SPAG16: variants seen among roughly 807,000 people sequenced by gnomAD.
SPAG16 encodes sperm-associated antigen 16 protein.
In SPAG16, 86 loss-of-function variants were observed where a neutral mutation model predicts 80.4. That is an observed-to-expected ratio of 1.07 (90% CI 0.90 to 1.28). The LOEUF (loss-of-function observed/expected upper bound fraction) is 1.28. SPAG16 is among the 50% of genes most tolerant of loss of function. The pLI, the probability that SPAG16 is intolerant of heterozygous loss-of-function variation, is 0.00. For missense variants in SPAG16, 870 were observed against 765.3 expected, an observed-to-expected ratio of 1.14 and a Z score of -1.61; for synonymous variants, 294 against 265.9, an observed-to-expected ratio of 1.11 and a Z score of -1.03.
chr2:213,912,696 T>G (rs2077729289), intron 11 of SPAG16, among the ~76,000 whole-genome samples: 2 of 152,186 alleles, frequency 1.3e-5, no homozygotes, highest in Non-Finnish European at 1.5e-5. Context: ...GAGTAGTTAC[T>G]GTGCCTTCAG....
chr2:213,442,239 G>T (rs1463748230), intron 9 of SPAG16, among the ~76,000 whole-genome samples: 1 of 152,138 alleles, frequency 6.6e-6, no homozygotes, highest in Non-Finnish European at 1.5e-5. Flanking sequence ...ATATGCACCA[G>T]ATCTGTATGA....
intron 10 of SPAG16, among the ~76,000 whole-genome samples, chr2:213,619,737 A>G (rs754470921): frequency 2.6e-5 from 4 of 152,208 alleles, no homozygotes; most frequent in Non-Finnish European, 5.9e-5. Flanking sequence ...TGCAGTTATT[A>G]TGGAAGTCAG....
At chr2:213,399,771 A>G (rs946154234) in intron 9 of SPAG16, among the ~76,000 whole-genome samples, 4 of 151,922 alleles carry the variant, frequency 2.6e-5, no homozygotes, top group Non-Finnish European at 5.9e-5. Context: ...ACTAATTGGA[A>G]CTGTTATATA....
chr2:214,054,194 T>C (rs2049812439), intron 13 of SPAG16, among the ~76,000 whole-genome samples: 1 of 152,088 alleles, frequency 6.6e-6, no homozygotes, highest in African/African-American at 2.4e-5. Flanking sequence ...ATCTTTAGTA[T>C]AGACGGGGTT....
intron 15 of SPAG16, among the ~76,000 whole-genome samples, chr2:214,168,856 G>A (rs2056768906): frequency 6.7e-6 from 1 of 149,226 alleles, no homozygotes; most frequent in East Asian, 1.9e-4. Context: ...TCCAAAGGAT[G>A]TGGTACTATT....
intron 13 of SPAG16, among the ~76,000 whole-genome samples, chr2:214,097,085 C>A (rs1205473846): frequency 6.6e-6 from 1 of 151,868 alleles, no homozygotes; most frequent in African/African-American, 2.4e-5. Flanking sequence ...AAAAAAAGAT[C>A]TTTATAAAAT....
intron 10 of SPAG16, among the ~76,000 whole-genome samples, chr2:213,745,296 G>A (rs1353039328): frequency 6.6e-6 from 1 of 152,050 alleles, no homozygotes; most frequent in Non-Finnish European, 1.5e-5. Context: ...AGGCTGGAGC[G>A]CAATGGAATG....
chr2:213,575,600 A>G (rs1021612436), intron 10 of SPAG16, among the ~76,000 whole-genome samples: 3 of 152,142 alleles, frequency 2.0e-5, no homozygotes, highest in African/African-American at 7.2e-5. Context: ...TTGTTTAATA[A>G]AGACATTGAA....
At chr2:213,773,616 A>G (rs1352676513) in intron 10 of SPAG16, among the ~76,000 whole-genome samples, 3 of 152,048 alleles carry the variant, frequency 2.0e-5, no homozygotes, top group Non-Finnish European at 4.4e-5. Flanking sequence ...GTGCAGTGGC[A>G]TGATCTCGGC....
chr2:213,862,222 C>A (rs547359200), intron 10 of SPAG16, among the ~76,000 whole-genome samples: 9 of 152,132 alleles, frequency 5.9e-5, no homozygotes, highest in Admixed American at 1.3e-4. Flanking sequence ...TAGATATGCA[C>A]AATCACCTAA....
intron 3 of SPAG16, among the ~76,000 whole-genome samples, chr2:213,298,130 A>T (rs949006080): frequency 1.1e-4 from 17 of 152,174 alleles, no homozygotes; most frequent in Admixed American, 1.1e-3. Flanking sequence ...TAGAAGTCCA[A>T]TAACTCCTTT....
chr2:213,740,338 G>T (rs1461882784), intron 10 of SPAG16, among the ~76,000 whole-genome samples: 1 of 152,172 alleles, frequency 6.6e-6, no homozygotes, highest in African/African-American at 2.4e-5. Flanking sequence ...TGAAGTTTCT[G>T]TAACAAACTG....
intron 7 of SPAG16, among the ~76,000 whole-genome samples, chr2:213,358,955 C>CT: frequency 6.6e-6 from 1 of 152,064 alleles, no homozygotes. Flanking sequence ...TGTGGGTGTC[C>CT]TTTTTTTGAA....
At chr2:213,528,142 G>A (rs113315864) in intron 10 of SPAG16, among the ~76,000 whole-genome samples, 1 of 152,034 alleles carries the variant, frequency 6.6e-6, no homozygotes, top group African/African-American at 2.4e-5. Context: ...TGTTTTCAAC[G>A]GGCGCCCATC....
intron 11 of SPAG16, among the ~76,000 whole-genome samples, chr2:213,915,015 A>C (rs2077885507): frequency 6.6e-6 from 1 of 152,194 alleles, no homozygotes; most frequent in South Asian, 2.1e-4. Flanking sequence ...AATGACTCAC[A>C]GTTCCACATG....
chr2:213,331,694 G>A lies in SPAG16; in HGVS notation c.537-8469G>A, dbSNP rs1041855073. On this transcript the variant is annotated intron_variant, in intron 5 of 15. Transcript: ENST00000331683. ...AATATCAAACATCTTCTCTGACCAC[G>A]ATGGAATAAAACTATAAATCAACAA... 7.9e-5 allele frequency among the ~76,000 whole-genome samples: 12 copies of A among 152,246 alleles called. No homozygotes were observed. In the East Asian group the frequency reaches 1.7e-3, roughly 22 times the overall value.
intron 9 of SPAG16, among the ~76,000 whole-genome samples, chr2:213,433,367 A>C (rs2070421086): frequency 6.6e-6 from 1 of 152,248 alleles, no homozygotes; most frequent in Admixed American, 6.5e-5. Context: ...AGATTCCTCC[A>C]AAAACTCTTA....
At chr2:214,290,534 C>G (rs1285573921) in intron 15 of SPAG16, among the ~76,000 whole-genome samples, 6 of 152,072 alleles carry the variant, frequency 3.9e-5, no homozygotes, top group African/African-American at 1.4e-4. Flanking sequence ...TCCCTTTTAG[C>G]ACTGCTTTTG....
chr2:213,484,551 T>C (rs926021327), intron 9 of SPAG16, among the ~76,000 whole-genome samples: 1 of 152,188 alleles, frequency 6.6e-6, no homozygotes, highest in Non-Finnish European at 1.5e-5. Flanking sequence ...CCATTTTTGG[T>C]AAATTCCTCT....
Sources: gnomAD v4.1 joint callset for allele counts (sites outside exome capture counted in the v4.1 genomes callset) on GRCh38, gnomAD v4.1.1 for gene constraint, MANE v1.5 for transcripts, NCBI Gene and HGNC (gene_info 2026-07-23, HGNC 2026-07-21) for gene names.